EGFLAM: variants seen among roughly 807,000 people sequenced by gnomAD.
EGFLAM encodes pikachurin.
EGFLAM carries 79 observed loss-of-function variants against 113.1 expected under a neutral mutation model. The ratio of observed to expected loss-of-function variants is 0.70; its 90% CI spans 0.58 to 0.84. EGFLAM has a LOEUF of 0.84. EGFLAM is among the 40% of genes least tolerant of loss of function. EGFLAM has a pLI of 0.00. For synonymous variants in EGFLAM, 504 were observed against 487.6 expected (o/e 1.03, Z -0.44); for missense variants, 1,265 against 1,291.6 (o/e 0.98, Z 0.32).
intron 1 of EGFLAM, among the ~76,000 whole-genome samples, chr5:38,309,530 G>T (rs1758809058): frequency 6.6e-6 from 1 of 152,144 alleles, no homozygotes. Flanking sequence ...GGTGTGAATT[G>T]CTCTGCCCTC....
At chr5:38,391,493 G>T (rs1416699412) in intron 6 of EGFLAM, among the ~76,000 whole-genome samples, 1 of 151,296 alleles carries the variant, frequency 6.6e-6, no homozygotes, top group Non-Finnish European at 1.5e-5. Flanking sequence ...AAACCTCCTG[G>T]GTTCAAGTGA....
intron 2 of EGFLAM, among the ~76,000 whole-genome samples, chr5:38,337,975 C>G: frequency 6.6e-6 from 1 of 152,108 alleles, no homozygotes; most frequent in East Asian, 1.9e-4. Context: ...ATGTTGTCAA[C>G]AAGTACAAAA....
At chr5:38,441,993 G>A (rs1285157932) in intron 17 of EGFLAM, among the ~76,000 whole-genome samples, 3 of 152,134 alleles carry the variant, frequency 2.0e-5, no homozygotes, top group Non-Finnish European at 4.4e-5. Flanking sequence ...GTACTCATCA[G>A]GGGCGCACAG....
At chr5:38,453,128 C>T (rs1426165392) in intron 19 of EGFLAM, among the ~76,000 whole-genome samples, 3 of 152,172 alleles carry the variant, frequency 2.0e-5, no homozygotes, top group African/African-American at 4.8e-5. Context: ...ATCTACTGAA[C>T]CAGAAACACT....
intron 17 of EGFLAM, among the ~76,000 whole-genome samples, chr5:38,447,761 A>AC: frequency 6.6e-6 from 1 of 152,044 alleles, no homozygotes; most frequent in South Asian, 2.1e-4. Context: ...TGTTTCAAAA[A>AC]AAAAAAAAAA....
chr5:38,391,055 A>G (rs1055212734), intron 6 of EGFLAM, among the ~76,000 whole-genome samples: 1 of 152,094 alleles, frequency 6.6e-6, no homozygotes, highest in Non-Finnish European at 1.5e-5. Flanking sequence ...GCTAAAAACA[A>G]CTTCTTTTTT....
chr5:38,349,773 G>GCGCA (rs1554049180), intron 3 of EGFLAM, among the ~76,000 whole-genome samples: 3,474 of 131,058 alleles, frequency 0.027, 65 homozygotes, highest in Middle Eastern at 0.052. Context: ...AAGTACACAC[G>GCGCA]CACACACACA....
chr5:38,336,488 G>A (rs548809333), intron 1 of EGFLAM, among the ~76,000 whole-genome samples: 1 of 152,098 alleles, frequency 6.6e-6, no homozygotes, highest in Admixed American at 6.5e-5. Context: ...GCAGGAGAAT[G>A]GCGTGAACCC....
intron 1 of EGFLAM, among the ~76,000 whole-genome samples, chr5:38,297,639 T>G (rs113961431): frequency 2.0e-5 from 3 of 152,296 alleles, no homozygotes; most frequent in African/African-American, 7.2e-5. Context: ...TAAACTTGCT[T>G]GACCCTGAGC....
At chr5:38,423,276 T>C (rs1355407723) in intron 12 of EGFLAM, among the ~76,000 whole-genome samples, 1 of 152,132 alleles carries the variant, frequency 6.6e-6, no homozygotes, top group Admixed American at 6.5e-5. Flanking sequence ...GTCTCTCCAT[T>C]TTCTTTGTGG....
intron 1 of EGFLAM, among the ~76,000 whole-genome samples, chr5:38,279,452 T>C (rs1757963786): frequency 6.6e-6 from 1 of 152,180 alleles, no homozygotes; most frequent in Admixed American, 6.5e-5. Context: ...CTAGCCAAGA[T>C]ATGGCATCAA....
At chr5:38,271,446 T>C (rs1185691161) in intron 1 of EGFLAM, among the ~76,000 whole-genome samples, 2 of 152,184 alleles carry the variant, frequency 1.3e-5, no homozygotes, top group Non-Finnish European at 2.9e-5. Context: ...TTCCAAACTC[T>C]AAAGCTGGGC....
At chr5:38,416,994 G>A (rs4582304) in intron 11 of EGFLAM, among the ~76,000 whole-genome samples, 16,738 of 152,060 alleles carry the variant, frequency 0.11, 1,093 homozygotes, top group East Asian at 0.24. Flanking sequence ...TTCTGGCAGC[G>A]TGCCTTTCCC....
intron 5 of EGFLAM, among the ~76,000 whole-genome samples, chr5:38,356,215 G>A (rs1420951505): frequency 6.6e-6 from 1 of 152,190 alleles, no homozygotes; most frequent in Non-Finnish European, 1.5e-5. Flanking sequence ...ATGGGAATAT[G>A]GGAAGGCCCA....
intron 1 of EGFLAM, among the ~76,000 whole-genome samples, chr5:38,326,093 C>T (rs1443008090): frequency 6.6e-6 from 1 of 152,140 alleles, no homozygotes; most frequent in East Asian, 1.9e-4. Flanking sequence ...CCCACAGCTC[C>T]GCTCAGAACC....
intron 17 of EGFLAM, among the ~76,000 whole-genome samples, chr5:38,443,769 C>A (rs80111520): frequency 7.5e-6 from 1 of 133,262 alleles, no homozygotes; most frequent in Non-Finnish European, 1.6e-5. Flanking sequence ...CCCTTCAACT[C>A]TTTTTTTTTT....
intron 16 of EGFLAM, 150 bp from the exon 17 acceptor site, chr5:38,438,125 A>T: frequency 2.3e-6 from 1 of 442,926 alleles, no homozygotes; most frequent in Non-Finnish European, 3.2e-6. Flanking sequence ...CCATCTCCAA[A>T]AAAAAAAAAA....
chr5:38,464,207 T>C lies in EGFLAM; in HGVS notation c.*221T>C, dbSNP rs1482067079. On this transcript the variant is annotated 3_prime_UTR_variant, in exon 22 of 22. Transcript: ENST00000322350. ...AGCTGACCCAGCAGAATTCTCTGTG[T>C]AGGAAGCATCGGACTTTGTCCATTG... 1 of 567,394 alleles carries C rather than the reference T, an allele frequency of 1.8e-6. No homozygotes were observed. The highest frequency in any genetic ancestry group is 3.1e-6 in the Non-Finnish European group (1 of 326,636). 35.1% of individuals were successfully genotyped at this position (567,394 alleles called of 1,614,324 possible). A position where few individuals can be genotyped will look rare whatever the true frequency, so the allele number is the denominator to read the frequency against.
In EGFLAM at chr5:38,465,367, G is replaced by C. The variant is rs910856145; in HGVS notation, c.*1381G>C. 6.6e-6 allele frequency among the ~76,000 whole-genome samples: 1 copy of C among 152,184 alleles called. No homozygotes were observed. The highest frequency in any genetic ancestry group is 3.2e-3 in the Middle Eastern group (1 of 316). On this transcript the variant is annotated 3_prime_UTR_variant, in exon 22 of 22. Transcript: ENST00000322350. ...AGAGCCTATAATTAGTCCCAGTCTCGACTCTACATTTGTTTGTGCAGCATT... is the reference window on the plus strand; with the variant it reads ...AGAGCCTATAATTAGTCCCAGTCTCCACTCTACATTTGTTTGTGCAGCATT...
Sources: allele counts gnomAD v4.1 joint callset (sites outside exome capture counted in the v4.1 genomes callset), GRCh38; gene constraint gnomAD v4.1.1; transcripts MANE v1.5; gene names NCBI Gene and HGNC (gene_info 2026-07-23, HGNC 2026-07-21).